MICAL2: variants seen among roughly 807,000 people sequenced by gnomAD.
The protein encoded by MICAL2 is [F-actin]-monooxygenase MICAL2.
In MICAL2, 77 loss-of-function variants were observed where a neutral mutation model predicts 127.3. That is an observed-to-expected ratio of 0.60 (90% CI 0.50 to 0.73). The LOEUF (loss-of-function observed/expected upper bound fraction) is 0.73, where lower values mean the gene tolerates loss of function less well. Among genes scored for constraint, MICAL2 ranks in the 30% least tolerant of loss-of-function variants. The pLI is 0.00. For missense variants in MICAL2, 1,351 were observed against 1,434.4 expected (o/e 0.94, Z 0.94); for synonymous variants, 570 against 551.1 (o/e 1.03, Z -0.48).
chr11:12,113,592 C>T (rs553155272), intron 1 of MICAL2, among the ~76,000 whole-genome samples: 1 of 152,308 alleles, frequency 6.6e-6, no homozygotes, highest in African/African-American at 2.4e-5. Context: ...TTACAGTCAG[C>T]CATGGTCTGA....
chr11:12,291,096 C>T (rs577831142), downstream of MICAL2, among the ~76,000 whole-genome samples: 2 of 152,264 alleles, frequency 1.3e-5, no homozygotes, highest in Non-Finnish European at 2.9e-5. Flanking sequence ...AGAGTGGACT[C>T]GTTCCACGTG....
intron 21 of MICAL2, among the ~76,000 whole-genome samples, chr11:12,247,833 A>G (rs574707717): frequency 1.3e-5 from 2 of 152,324 alleles, no homozygotes; most frequent in East Asian, 3.9e-4. Flanking sequence ...TCTCTCCTAG[A>G]GTCTGGGGCC....
At chr11:12,138,168 C>T (rs1229277055) in intron 1 of MICAL2, among the ~76,000 whole-genome samples, 1 of 152,324 alleles carries the variant, frequency 6.6e-6, no homozygotes, top group South Asian at 2.1e-4. Context: ...GCCCTGACTG[C>T]AGCCAACAAT....
intron 1 of MICAL2, among the ~76,000 whole-genome samples, chr11:12,122,764 T>C (rs890013949): frequency 9.9e-5 from 15 of 152,200 alleles, no homozygotes; most frequent in Middle Eastern, 3.2e-3. Context: ...GTGTGTGCAG[T>C]GAAGAACGAT....
intron 3 of MICAL2, among the ~76,000 whole-genome samples, chr11:12,180,519 C>T (rs1201077883): frequency 1.3e-5 from 2 of 152,098 alleles, no homozygotes; most frequent in Non-Finnish European, 2.9e-5. Flanking sequence ...CTGTTCATAC[C>T]GAATGACTTA....
chr11:12,182,794 C>T (rs1226703870), intron 3 of MICAL2, among the ~76,000 whole-genome samples: 1 of 152,166 alleles, frequency 6.6e-6, no homozygotes, highest in African/African-American at 2.4e-5. Context: ...CACCTTGGCT[C>T]TCCCTGGCTC....
At chr11:12,174,722 A>G (rs1420691311) in intron 3 of MICAL2, among the ~76,000 whole-genome samples, 1 of 152,150 alleles carries the variant, frequency 6.6e-6, no homozygotes, top group Non-Finnish European at 1.5e-5. Flanking sequence ...GCTGAGTCAT[A>G]TGCTAATTCA....
intron 32 of MICAL2, among the ~76,000 whole-genome samples, chr11:12,338,321 A>G (rs1188489467): frequency 2.0e-5 from 3 of 152,002 alleles, no homozygotes; most frequent in Non-Finnish European, 4.4e-5. Flanking sequence ...ATCTTCCTCC[A>G]TCCCTTTATT....
Position 12,162,341 on chromosome 11 carries a change from C to G in MICAL2, c.186C>G (p.Ala62=). Residue 62 remains alanine, a synonymous_variant, in exon 3 of 28, where the codon GCC becomes GCG. Coordinates refer to ENST00000683283, the MANE Select transcript of MICAL2 (RefSeq NM_001282663.2). ...AGTCCAAGGTGACCACCTGGAAAGC[C>G]AAAGCCCTGTGGTACAAATTGGATA... is the stretch of plus-strand genomic sequence containing the variant. ...KLKSKVTTWK[A]KALWYKLDKR... 1 of 1,614,230 alleles carries G rather than the reference C, an allele frequency of 6.2e-7. No individual in the cohort carries two copies. Among genetic ancestry groups the G allele is most frequent in the Non-Finnish European group, 8.5e-7 (1 of 1,180,048 alleles).
chr11:12,292,047 G>A, downstream of MICAL2: 2 of 1,421,354 alleles, frequency 1.4e-6, no homozygotes, highest in Non-Finnish European at 1.9e-6. Flanking sequence ...TCCTCTTTCT[G>A]ACTGTTTATA....
At chr11:12,161,413 C>CTCTG (rs760927901) in intron 2 of MICAL2, 4 of 152,194 alleles carry the variant, frequency 2.6e-5, no homozygotes, top group Admixed American at 6.5e-5. Context: ...GTCCACGTGT[C>CTCTG]TCTGTCTGTC....
intron 29 of MICAL2, among the ~76,000 whole-genome samples, chr11:12,318,358 A>G (rs182739598): frequency 7.2e-5 from 11 of 152,330 alleles, no homozygotes; most frequent in Admixed American, 5.9e-4. Flanking sequence ...GCTTCCTCCC[A>G]TTATTATACT....
chr11:12,127,530 A>G (rs1460713997), intron 1 of MICAL2, among the ~76,000 whole-genome samples: 1 of 152,174 alleles, frequency 6.6e-6, no homozygotes, highest in Admixed American at 6.5e-5. Flanking sequence ...TGTGTGCTGC[A>G]TGGAGAGGGG....
chr11:12,148,861 A>G (rs553199937), intron 2 of MICAL2, among the ~76,000 whole-genome samples: 34 of 152,294 alleles, frequency 2.2e-4, no homozygotes, highest in Admixed American at 1.9e-3. Flanking sequence ...CAGTGCAGCT[A>G]AGGATGCAGC....
At chr11:12,214,788 G>A (rs79063812) in intron 7 of MICAL2, among the ~76,000 whole-genome samples, 11,623 of 151,830 alleles carry the variant, frequency 0.077, 546 homozygotes, top group Non-Finnish European at 0.098. Context: ...GAGACCATAG[G>A]GCCCACAGGC....
intron 30 of MICAL2, among the ~76,000 whole-genome samples, chr11:12,322,188 A>G (rs76286772): frequency 0.018 from 2,682 of 152,258 alleles, 99 homozygotes; most frequent in African/African-American, 0.06. Flanking sequence ...GAGAGGATTT[A>G]TTACGTAGGT....
intron 22 of MICAL2, chr11:12,250,152 C>T (rs1486424177): frequency 1.3e-5 from 2 of 152,192 alleles, no homozygotes; most frequent in African/African-American, 2.4e-5. Context: ...AGGCAGGGAG[C>T]TCGTCCTGTG....
chr11:12,300,280 G>A (rs1312722047), intron 29 of MICAL2, among the ~76,000 whole-genome samples: 2 of 152,040 alleles, frequency 1.3e-5, no homozygotes, highest in Non-Finnish European at 2.9e-5. Flanking sequence ...GGCGACAAGA[G>A]CAAAACTCCA....
chr11:12,170,997 C>CCACAAAGAAGAT, intron 3 of MICAL2, among the ~76,000 whole-genome samples: 6 of 152,322 alleles, frequency 3.9e-5, no homozygotes, highest in African/African-American at 1.4e-4. Context: ...CCGGTGTTTC[C>CCACAAAGAAGAT]AAGCTTTGAT....
Sources: gnomAD v4.1 joint callset for allele counts (sites outside exome capture counted in the v4.1 genomes callset) on GRCh38, gnomAD v4.1.1 for gene constraint, MANE v1.5 for transcripts, NCBI Gene and HGNC (gene_info 2026-07-23, HGNC 2026-07-21) for gene names.